The following UBE2Z variants were observed in gnomAD, a reference collection of about 807,000 sequenced individuals.
UBE2Z encodes ubiquitin conjugating enzyme E2 Z, also known as ubiquitin-conjugating enzyme E2 Z.
A neutral mutation model predicts 32.6 loss-of-function variants in UBE2Z; 10 were observed. The observed-to-expected ratio is 0.31, with a 90% CI of 0.19 to 0.52. The LOEUF (loss-of-function observed/expected upper bound fraction) is 0.52, where lower values mean the gene tolerates loss of function less well. UBE2Z is among the 20% of genes least tolerant of loss of function. The pLI is 0.97. For missense variants in UBE2Z, 343 were observed against 480.9 expected (o/e 0.71, Z 2.68); for synonymous variants, 183 against 190.8 (o/e 0.96, Z 0.34).
chr17:48,923,801 C>T (rs966621976), intron 6 of UBE2Z, among the ~76,000 whole-genome samples: 6 of 151,344 alleles, frequency 4.0e-5, no homozygotes, highest in Non-Finnish European at 8.8e-5. Context: ...AGCTGGGTCA[C>T]AGCTCACTGC....
At position 48,927,022 on chromosome 17, in the gene UBE2Z, G is replaced by T. The variant is rs1439792291; in HGVS notation, c.953G>T (p.Gly318Val). The T allele has an allele frequency of 6.2e-7, 1 of 1,613,750 alleles. No individual in the cohort carries two copies. Among genetic ancestry groups the T allele is most frequent in the African/African-American group, 1.3e-5 (1 of 75,026 alleles). The change falls in exon 7 of 7, where the codon GGA becomes GTA. Residue 318 changes from glycine to valine, a missense_variant. By Grantham distance (109) the Gly-to-Val change is moderately radical. Transcript: ENST00000360943. ...FDYQSLLMRL[G>V]LIRQKVLERL... ...TACCAGTCCCTCTTGATGCGCCTGG[G>T]ACTGATACGTCAGAAAGTGCTGGAG...
intron 1 of UBE2Z, among the ~76,000 whole-genome samples, chr17:48,909,216 G>C (rs2143754476): frequency 7.6e-6 from 1 of 131,594 alleles, no homozygotes; most frequent in Admixed American, 8.4e-5. Flanking sequence ...GCTAGATGCT[G>C]CCCGCAGGCC....
At chr17:48,923,330 A>T (rs1341138933) in intron 6 of UBE2Z, among the ~76,000 whole-genome samples, 5 of 148,008 alleles carry the variant, frequency 3.4e-5, no homozygotes, top group Non-Finnish European at 7.4e-5. Flanking sequence ...CAAAAAAAAA[A>T]AAAAAAAAAA....
chr17:48,916,262 T>TTTTTTTTG (rs1267176076), intron 4 of UBE2Z, 75 bp downstream of exon 4: 15 of 687,332 alleles, frequency 2.2e-5, no homozygotes, highest in East Asian at 3.8e-5. Flanking sequence ...TTTTTTGTTT[T>TTTTTTTTG]TTTTTTTTTT....
rs775936152 is a variant in UBE2Z, at chr17:48,912,598, C to T, written c.391-236C>T. On this transcript the variant is annotated intron_variant, in intron 2 of 6. Transcript: ENST00000360943. ...ATTCAGTTTTCGCCTTGGGCTCTAA[C>T]TTTAGAAGTAACCCCTGAGTAAGAT... 2.3e-5 allele frequency: 11 copies of T among 481,138 alleles called. No individual in the cohort carries two copies. In the East Asian group the frequency reaches 3.0e-4, roughly 13 times the overall value. 29.8% of individuals were successfully genotyped at this position (481,138 alleles called of 1,614,324 possible).
At chr17:48,916,932 G>A (rs1374852814) in intron 4 of UBE2Z, among the ~76,000 whole-genome samples, 1 of 151,920 alleles carries the variant, frequency 6.6e-6, no homozygotes, top group East Asian at 1.9e-4. Flanking sequence ...GAACCCTGGA[G>A]GCAGAGGTTG....
Position 48,908,563 on chromosome 17 carries a change from G to T in UBE2Z, c.60G>T (p.Gly20=). Residue 20 remains glycine, a synonymous_variant, in exon 1 of 7, where the codon GGG becomes GGT. Transcript: ENST00000360943. ...CGGGCGCCGGGGCGGCGGGCCCCGG[G>T]GCGAGCAGCGTTGCTGGTGTTGTTG... The part of the protein sequence containing the change: ...ATAGAGAAGP[G]ASSVAGVVGV... The T allele has an allele frequency of 8.1e-7, 1 of 1,238,402 alleles. No homozygotes were observed. The allele number at this position is 1,238,402 out of a possible 1,614,324, so 76.7% of individuals were successfully genotyped here. A position where few individuals can be genotyped will look rare whatever the true frequency, so the allele number is the denominator to read the frequency against.
chr17:48,924,950 G>C (rs2040787817), intron 6 of UBE2Z, among the ~76,000 whole-genome samples: 1 of 151,948 alleles, frequency 6.6e-6, no homozygotes, highest in South Asian at 2.1e-4. Flanking sequence ...CAGTTCTTGG[G>C]TGTTTGGATC....
In UBE2Z at chr17:48,921,867, G is replaced by A. The variant is rs562508848; in HGVS notation, c.803+595G>A. 1.1e-4 allele frequency among the ~76,000 whole-genome samples: 16 copies of A among 151,924 alleles called. No individual in the cohort carries two copies. The East Asian group carries it at 2.9e-3, about 28-fold the overall frequency. On this transcript the variant is annotated intron_variant, in intron 5 of 6. Transcript: ENST00000360943. ...AACACAGGGAGACCCCATCTCTACA[G>A]AAATTTTAAAATTAGCCAGGTGTGA...
intron 6 of UBE2Z, among the ~76,000 whole-genome samples, chr17:48,925,274 TC>T (rs1156912593): frequency 4.0e-5 from 5 of 125,666 alleles, no homozygotes; most frequent in African/African-American, 1.4e-4. Context: ...GGAGCCAGAC[TC>T]CACCTCAAAA....
At chr17:48,926,927 C>G (rs1184552277) in intron 6 of UBE2Z, 37 bp from the exon 7 acceptor site, 6 of 1,593,026 alleles carry the variant, frequency 3.8e-6, no homozygotes, top group Admixed American at 3.5e-5. Context: ...GCCACCCAGA[C>G]TTGAATCTTC....
chr17:48,909,162 C>T (rs1027677553), intron 1 of UBE2Z, among the ~76,000 whole-genome samples: 11 of 151,314 alleles, frequency 7.3e-5, no homozygotes, highest in African/African-American at 2.4e-4. Context: ...CGCCCCCTCC[C>T]GCCTTCGGCG....
In UBE2Z at chr17:48,912,933, C is replaced by T; in HGVS notation, c.490C>T (p.Arg164Trp). 6.2e-7 allele frequency: 1 copy of T among 1,613,896 alleles called. No individual in the cohort carries two copies. The highest frequency in any genetic ancestry group is 8.5e-7 in the Non-Finnish European group (1 of 1,179,880). ...GCCCGACTATCCCATCCACCCACCT[C>T]GGGTCAAACTGATGACAACGGGCAA... ...CPPDYPIHPP[R>W]VKLMTTGNNT... Residue 164 changes from arginine (R) to tryptophan (W), a missense_variant, in exon 3 of 7, where the codon CGG becomes TGG. This residue lies in a region of UBE2Z where 182 missense variants were observed against 312.4 expected (regional missense o/e 0.58). Coordinates refer to ENST00000360943, the MANE Select transcript of UBE2Z (RefSeq NM_023079.5).
chr17:48,912,457 A>G (rs893110956), intron 2 of UBE2Z: 2 of 176,918 alleles, frequency 1.1e-5, no homozygotes, highest in East Asian at 1.5e-4. Flanking sequence ...AGCATATTAT[A>G]TTTTTCCACA....
chr17:48,914,696 C>T (rs1015610001), intron 3 of UBE2Z, among the ~76,000 whole-genome samples: 4 of 152,042 alleles, frequency 2.6e-5, no homozygotes, highest in Admixed American at 6.6e-5. Flanking sequence ...GAGAAGCTGC[C>T]CTGAAATTGA....
rs908155182 is a variant in UBE2Z at position 48,910,893 on chromosome 17, A to G, written c.390+13A>G. 3 of 1,596,776 alleles carry G rather than the reference A, an allele frequency of 1.9e-6. No individual in the cohort carries two copies. Among genetic ancestry groups the G allele is most frequent in the African/African-American group, 2.7e-5 (2 of 74,204 alleles). ...TGACATGACTAAGGTATGTAACTTG[A>G]TGGGGGTTTGGGGGGTTTTGGGAAA... On this transcript the variant is annotated intron_variant, in intron 2 of 6. Coordinates refer to ENST00000360943, the MANE Select transcript of UBE2Z (RefSeq NM_023079.5).
chr17:48,916,233 G>C, intron 4 of UBE2Z, 46 bp downstream of exon 4: 1 of 913,972 alleles, frequency 1.1e-6, no homozygotes, highest in South Asian at 2.6e-5. Context: ...TATTGTTTTT[G>C]TTTGTTTGGT....
At chr17:48,911,095 G>T in intron 2 of UBE2Z, 1 of 530,316 alleles carries the variant, frequency 1.9e-6, no homozygotes, top group Non-Finnish European at 3.4e-6. Context: ...GGTACTGATT[G>T]GCTTGGAAAA....
At chr17:48,910,699 T>C in intron 1 of UBE2Z, 109 bp from the exon 2 acceptor site, 2 of 845,768 alleles carry the variant, frequency 2.4e-6, no homozygotes, top group South Asian at 1.4e-5. Flanking sequence ...CAAGCACCAC[T>C]TTCTCAAACC....
Sources: allele counts gnomAD v4.1 joint callset (sites outside exome capture counted in the v4.1 genomes callset), GRCh38; gene constraint gnomAD v4.1.1; regional missense constraint gnomAD v4.1.1; transcripts MANE v1.5; gene names NCBI Gene and HGNC (gene_info 2026-07-23, HGNC 2026-07-21).